The following KLHL29 variants were observed in gnomAD, a reference collection of about 807,000 sequenced individuals.
KLHL29 encodes the protein kelch-like protein 29.
KLHL29 carries 21 observed loss-of-function variants against 80.4 expected under a neutral mutation model. The ratio of observed to expected loss-of-function variants is 0.26; its 90% CI spans 0.19 to 0.38. The LOEUF is 0.38. Among genes scored for constraint, KLHL29 ranks in the 10% least tolerant of loss-of-function variants. KLHL29 has a pLI of 1.00. For missense variants in KLHL29, 867 were observed against 1,223.9 expected, an observed-to-expected ratio of 0.71 and a Z score of 4.35; for synonymous variants, 511 against 526.8, an observed-to-expected ratio of 0.97 and a Z score of 0.41.
At chr2:23,567,147 G>A (rs748059968) in intron 3 of KLHL29, among the ~76,000 whole-genome samples, 3 of 152,224 alleles carry the variant, frequency 2.0e-5, no homozygotes, top group Admixed American at 6.5e-5. Context: ...GGAAGCCCCA[G>A]TGCCCCACAG....
At chr2:23,594,636 C>G (rs1045801817) in intron 3 of KLHL29, among the ~76,000 whole-genome samples, 4 of 152,144 alleles carry the variant, frequency 2.6e-5, no homozygotes, top group African/African-American at 9.7e-5. Context: ...ACAGAAAAAG[C>G]AGGAAATTAA....
intron 1 of KLHL29, among the ~76,000 whole-genome samples, chr2:23,456,402 C>G (rs188944206): frequency 6.6e-6 from 1 of 152,334 alleles, no homozygotes; most frequent in East Asian, 1.9e-4. Flanking sequence ...TGCCAGGAAC[C>G]CAGGAAGATG....
chr2:23,607,701 G>A (rs1023715046), intron 3 of KLHL29, among the ~76,000 whole-genome samples: 3 of 152,150 alleles, frequency 2.0e-5, no homozygotes, highest in Admixed American at 2.0e-4. Flanking sequence ...GATTCTCATA[G>A]GACCGTGAAC....
rs112331680 is a variant in KLHL29, at chr2:23,388,992, T to C, written c.-154+3212T>C. Among the ~76,000 whole-genome samples the C allele has an allele frequency of 3.6e-3, 204 of 56,456 alleles. 1 individual carries two copies. The highest frequency in any genetic ancestry group is 0.013 in the South Asian group (14 of 1,108). The allele number at this position is 56,456 out of a possible 152,430, so 37.0% of individuals were successfully genotyped here. A position where few individuals can be genotyped will look rare whatever the true frequency, so the allele number is the denominator to read the frequency against. The stretch of plus-strand genomic sequence containing the variant: ...CTTTTTTTCTTTCTTTCTTCTTCTT[T>C]TTTTTTTTTTTTTTTTTAAAATCCC... On this transcript the variant is annotated intron_variant, in intron 1 of 13. Coordinates refer to ENST00000486442, the MANE Select transcript of KLHL29 (RefSeq NM_052920.2).
intron 2 of KLHL29, among the ~76,000 whole-genome samples, chr2:23,481,913 A>G (rs1479575841): frequency 2.0e-5 from 3 of 151,560 alleles, no homozygotes; most frequent in Admixed American, 6.6e-5. Context: ...TAAAAAAAAA[A>G]AAGAAGAAGA....
intron 2 of KLHL29, among the ~76,000 whole-genome samples, chr2:23,539,058 A>T (rs1298586175): frequency 2.0e-5 from 3 of 152,248 alleles, no homozygotes; most frequent in Non-Finnish European, 2.9e-5. Context: ...TACCAGCAAG[A>T]AAATTTTGCT....
chr2:23,414,859 T>G (rs1004631714), intron 1 of KLHL29, among the ~76,000 whole-genome samples: 2 of 152,278 alleles, frequency 1.3e-5, no homozygotes, highest in Non-Finnish European at 2.9e-5. Context: ...TCTGAGACTG[T>G]GTTCTATCAT....
intron 3 of KLHL29, among the ~76,000 whole-genome samples, chr2:23,567,692 A>G (rs929742733): frequency 1.3e-5 from 2 of 152,216 alleles, no homozygotes; most frequent in Non-Finnish European, 2.9e-5. Context: ...TCTGGGGCCC[A>G]TGAATGGAGA....
chr2:23,430,722 G>A (rs11898097), intron 1 of KLHL29, among the ~76,000 whole-genome samples: 71,427 of 151,732 alleles, frequency 0.47, 17,758 homozygotes, highest in African/African-American at 0.65. Flanking sequence ...CGCCCCTGAT[G>A]CCTGTGCTAC....
intron 3 of KLHL29, among the ~76,000 whole-genome samples, chr2:23,568,306 A>G (rs1667638976): frequency 6.6e-6 from 1 of 151,970 alleles, no homozygotes; most frequent in Admixed American, 6.6e-5. Flanking sequence ...TACCCCCAAA[A>G]CCTGGGGTTT....
intron 5 of KLHL29, among the ~76,000 whole-genome samples, chr2:23,648,222 C>G (rs931293830): frequency 2.0e-5 from 3 of 152,296 alleles, no homozygotes; most frequent in Admixed American, 6.5e-5. Context: ...GGCTCTGGAA[C>G]TCTGCCTCAG....
intron 2 of KLHL29, among the ~76,000 whole-genome samples, chr2:23,559,929 C>T (rs1008102142): frequency 1.2e-4 from 18 of 152,014 alleles, no homozygotes; most frequent in African/African-American, 3.9e-4. Context: ...GAGAGGGAGG[C>T]GGAGGGCTGG....
At chr2:23,539,730 C>T (rs1335489784) in intron 2 of KLHL29, among the ~76,000 whole-genome samples, 1 of 152,176 alleles carries the variant, frequency 6.6e-6, no homozygotes, top group African/African-American at 2.4e-5. Context: ...GCATGAGCCA[C>T]TGCACCTGGC....
At chr2:23,451,673 G>A (rs1663882321) in intron 1 of KLHL29, among the ~76,000 whole-genome samples, 1 of 152,186 alleles carries the variant, frequency 6.6e-6, no homozygotes, top group South Asian at 2.1e-4. Flanking sequence ...GGAGACGGAG[G>A]GATTTTGGAC....
intron 1 of KLHL29, among the ~76,000 whole-genome samples, chr2:23,450,558 G>A (rs1425774163): frequency 4.0e-5 from 6 of 151,870 alleles, no homozygotes; most frequent in African/African-American, 7.3e-5. Flanking sequence ...TGGCAGCTTC[G>A]ATATTGAAAG....
In KLHL29 at chr2:23,695,706, G is replaced by A; in HGVS notation, c.1626G>A (p.Leu542=). Residue 542 remains leucine (L), a synonymous_variant, in exon 9 of 14, where the codon CTG becomes CTA. Coordinates refer to ENST00000486442, the MANE Select transcript of KLHL29 (RefSeq NM_052920.2). The surrounding 1 kb of genome is among the most constrained non-coding windows in gnomAD (Gnocchi z 7.6). ...TCAATGTGGTTGACAATGAAGAGCT[G>A]ATCAAGTCATCAGAAGCCTGCCGGG... ...YLLNVVDNEE[L]IKSSEACRDL... is the part of the protein sequence containing the mutation. 1 of 1,551,640 alleles carries A rather than the reference G, an allele frequency of 6.4e-7. No individual in the cohort carries two copies. The highest frequency in any genetic ancestry group is 8.7e-7 in the Non-Finnish European group (1 of 1,146,990).
intron 4 of KLHL29, among the ~76,000 whole-genome samples, chr2:23,640,115 A>C (rs183094783): frequency 6.6e-6 from 1 of 152,160 alleles, no homozygotes; most frequent in African/African-American, 2.4e-5. Flanking sequence ...ACCCCTGTTC[A>C]TGTCCTCACA....
At chr2:23,629,049 A>G (rs538788983) in intron 3 of KLHL29, among the ~76,000 whole-genome samples, 7 of 152,288 alleles carry the variant, frequency 4.6e-5, no homozygotes, top group Non-Finnish European at 8.8e-5. Context: ...CTTGTCACCA[A>G]TGCCGCGGTG....
intron 2 of KLHL29, among the ~76,000 whole-genome samples, chr2:23,561,621 A>G (rs574738108): frequency 6.6e-6 from 1 of 152,254 alleles, no homozygotes; most frequent in East Asian, 1.9e-4. Flanking sequence ...ACTTATTCTC[A>G]GTGAGGTCCC....
Sources: allele counts gnomAD v4.1 joint callset (sites outside exome capture counted in the v4.1 genomes callset), GRCh38; gene constraint gnomAD v4.1.1; non-coding constraint Gnocchi (gnomAD v3.1); transcripts MANE v1.5; gene names NCBI Gene and HGNC (gene_info 2026-07-23, HGNC 2026-07-21).